The following HRH1 variants were observed in gnomAD, a reference collection of about 807,000 sequenced individuals.
HRH1 encodes histamine H1 receptor.
In HRH1, 6 loss-of-function variants were observed where a neutral mutation model predicts 10.3. The ratio of observed to expected loss-of-function variants is 0.58; its 90% CI spans 0.32 to 1.15. The LOEUF is 1.15. Ranked by LOEUF, HRH1 falls within the 50% of genes most tolerant of loss-of-function variation. The pLI is 0.05. For missense variants in HRH1, 514 were observed against 615.3 expected (o/e 0.84, Z 1.74); for synonymous variants, 242 against 236.7 (o/e 1.02, Z -0.21).
intron 1 of HRH1, among the ~76,000 whole-genome samples, chr3:11,235,836 C>CT (rs1559281167): frequency 6.6e-6 from 1 of 152,236 alleles, no homozygotes; most frequent in Non-Finnish European, 1.5e-5. Context: ...AAGTTTTCTA[C>CT]TTTGCTAGGC....
At position 11,155,930 on chromosome 3, in the gene HRH1, A is replaced by G. The variant is rs867110494; in HGVS notation, c.-36+1376A>G. Among the ~76,000 whole-genome samples the G allele has an allele frequency of 3.9e-5, 6 of 152,170 alleles. No homozygotes were observed. The South Asian group carries it at 1.2e-3, about 31-fold the overall frequency. On this transcript the variant is annotated intron_variant, in intron 1 of 1. Transcript: ENST00000431010. Reference sequence around the variant, plus strand: ...GAACAGATAGTCTACTGAGGCTCAGAGAGGTTAAGTAATTTGCTTGAGATT... The same window carrying G: ...GAACAGATAGTCTACTGAGGCTCAGGGAGGTTAAGTAATTTGCTTGAGATT...
chr3:11,199,404 T>A (rs1301233041), intron 1 of HRH1, among the ~76,000 whole-genome samples: 1 of 152,148 alleles, frequency 6.6e-6, no homozygotes, highest in Non-Finnish European at 1.5e-5. Flanking sequence ...TGCTGTTCCC[T>A]CTGCCTGCAG....
upstream of HRH1, among the ~76,000 whole-genome samples, chr3:11,150,445 C>T (rs917313624): frequency 1.3e-5 from 2 of 152,240 alleles, no homozygotes; most frequent in African/African-American, 4.8e-5. Flanking sequence ...CCAGAGGAGA[C>T]GGCTGACTCC....
chr3:11,243,463 A>G (rs928722674), intron 1 of HRH1, among the ~76,000 whole-genome samples: 1 of 152,236 alleles, frequency 6.6e-6, no homozygotes, highest in Non-Finnish European at 1.5e-5. Flanking sequence ...AAGAAAGTTG[A>G]TAAAAGAGGA....
intron 1 of HRH1, among the ~76,000 whole-genome samples, chr3:11,143,333 C>T (rs904599193): frequency 3.3e-5 from 5 of 152,096 alleles, no homozygotes; most frequent in Admixed American, 6.5e-5. Flanking sequence ...TTGGTCAAGA[C>T]CTCCAGATGT....
intron 1 of HRH1, among the ~76,000 whole-genome samples, chr3:11,180,948 TACACACACACACACACAC>T (rs71055851): frequency 3.4e-4 from 41 of 121,118 alleles, no homozygotes; most frequent in Non-Finnish European, 5.0e-4. Context: ...CTCTCAGGCA[TACACACACACACACACAC>T]ACACACACAC....
chr3:11,177,513 G>A (rs1937270136), intron 1 of HRH1, among the ~76,000 whole-genome samples: 1 of 152,134 alleles, frequency 6.6e-6, no homozygotes, highest in South Asian at 2.1e-4. Context: ...TCCTCCAGGG[G>A]GAAGGAGTGT....
rs148227462 is a variant in HRH1, at chr3:11,162,304, G to A, written c.-36+7750G>A. The stretch of plus-strand genomic sequence containing the variant: ...GTTATAAGGTGATGATGCTCCCATC[G>A]AGTGGCAGGATATATGATGAATGGG... On this transcript the variant is annotated intron_variant, in intron 1 of 1. Coordinates refer to ENST00000431010, the MANE Select transcript of HRH1 (RefSeq NM_001098212.2). Among the ~76,000 whole-genome samples the A allele has an allele frequency of 3.9e-5, 6 of 152,234 alleles. No individual in the cohort carries two copies. In the East Asian group the frequency reaches 1.2e-3, roughly 30 times the overall value.
At chr3:11,249,282 A>G (rs981543910) in intron 1 of HRH1, among the ~76,000 whole-genome samples, 2 of 151,950 alleles carry the variant, frequency 1.3e-5, no homozygotes, top group Middle Eastern at 3.4e-3. Flanking sequence ...AGGTGCCTGT[A>G]GTCCCAGCTA....
chr3:11,234,937 C>T (rs191600137), intron 1 of HRH1, among the ~76,000 whole-genome samples: 10 of 152,078 alleles, frequency 6.6e-5, no homozygotes, highest in Admixed American at 2.6e-4. Flanking sequence ...ATGTTTTGGC[C>T]GGGTACGGTG....
At chr3:11,222,828 A>G (rs1230153801) in intron 1 of HRH1, among the ~76,000 whole-genome samples, 1 of 152,158 alleles carries the variant, frequency 6.6e-6, no homozygotes, top group African/African-American at 2.4e-5. Flanking sequence ...ATTCAAGCGC[A>G]TTAAATAATA....
chr3:11,192,032 C>T (rs1489235681), intron 1 of HRH1, among the ~76,000 whole-genome samples: 1 of 152,192 alleles, frequency 6.6e-6, no homozygotes, highest in African/African-American at 2.4e-5. Context: ...CCCCTGTCCC[C>T]TTGGGTTTCA....
intron 1 of HRH1, among the ~76,000 whole-genome samples, chr3:11,138,445 A>G (rs1559247975): frequency 1.3e-5 from 2 of 152,152 alleles, no homozygotes; most frequent in African/African-American, 2.4e-5. Flanking sequence ...ATGAGGTACC[A>G]CTTCACACTC....
rs766221939 is a variant in HRH1, at chr3:11,260,093, A to G, written c.1056A>G (p.Leu352=). ...GCGAGATATCAGAGGATCAGATGTTAGGTGATAGCCAATCCTTCTCTCGAA... is the reference window on the plus strand; with the variant it reads ...GCGAGATATCAGAGGATCAGATGTTGGGTGATAGCCAATCCTTCTCTCGAA... ...GASEISEDQM[L]GDSQSFSRTD... The change falls in exon 2 of 2, where the codon TTA becomes TTG. Residue 352 remains leucine, a synonymous_variant. Coordinates refer to ENST00000431010, the MANE Select transcript of HRH1 (RefSeq NM_001098212.2). The G allele has an allele frequency of 1.2e-6, 2 of 1,614,182 alleles. No homozygotes were observed. Among genetic ancestry groups the G allele is most frequent in the Non-Finnish European group, 1.7e-6 (2 of 1,180,030 alleles).
At chr3:11,201,887 C>T (rs949215229) in intron 1 of HRH1, among the ~76,000 whole-genome samples, 4 of 152,158 alleles carry the variant, frequency 2.6e-5, no homozygotes, top group East Asian at 1.9e-4. Flanking sequence ...ATTTGTCTGC[C>T]GCCCAGGCCT....
chr3:11,258,628 T>C (rs1276122459), intron 1 of HRH1, among the ~76,000 whole-genome samples: 1 of 152,230 alleles, frequency 6.6e-6, no homozygotes, highest in Admixed American at 6.5e-5. Flanking sequence ...TGGATTGCTA[T>C]ATTCTGCTTA....
chr3:11,256,572 G>A (rs929604526), intron 1 of HRH1, among the ~76,000 whole-genome samples: 1 of 152,132 alleles, frequency 6.6e-6, no homozygotes, highest in Non-Finnish European at 1.5e-5. Context: ...AGGCTGAGGT[G>A]GGTGGATCAT....
intron 1 of HRH1, among the ~76,000 whole-genome samples, chr3:11,164,859 TG>T (rs1471773367): frequency 1.3e-5 from 2 of 152,208 alleles, no homozygotes; most frequent in African/African-American, 2.4e-5. Flanking sequence ...CTGAATTTCT[TG>T]GTGCTGAACT....
chr3:11,221,290 T>C (rs1938702877), intron 1 of HRH1, among the ~76,000 whole-genome samples: 10 of 152,150 alleles, frequency 6.6e-5, no homozygotes, highest in Admixed American at 6.6e-4. Context: ...CAGTGGCTCA[T>C]GCCTATAATC....
Sources: gnomAD v4.1 joint callset for allele counts (sites outside exome capture counted in the v4.1 genomes callset) on GRCh38, gnomAD v4.1.1 for gene constraint, MANE v1.5 for transcripts, NCBI Gene and HGNC (gene_info 2026-07-23, HGNC 2026-07-21) for gene names.